The following CADM2 variants were observed in gnomAD, a reference collection of about 807,000 sequenced individuals.
The protein encoded by CADM2 is immunoglobulin superfamily member 4D.
CADM2 carries 12 observed loss-of-function variants against 49.8 expected under a neutral mutation model. That is an observed-to-expected ratio of 0.24 (90% CI 0.15 to 0.39). CADM2 has a LOEUF of 0.39. Ranked by LOEUF, CADM2 falls within the 10% of genes least tolerant of loss-of-function variation. The pLI is 1.00. For synonymous variants in CADM2, 214 were observed against 175.4 expected (o/e 1.22, Z -1.74); for missense variants, 378 against 492.3 (o/e 0.77, Z 2.20).
chr3:86,018,015 T>C (rs887975386), intron 8 of CADM2, among the ~76,000 whole-genome samples: 12 of 118,664 alleles, frequency 1.0e-4, no homozygotes, highest in Non-Finnish European at 2.1e-4. Context: ...CTCCCAATGC[T>C]ATCCCTCCCC....
At chr3:85,735,225 T>C (rs2068088348) in intron 2 of CADM2, among the ~76,000 whole-genome samples, 2 of 152,090 alleles carry the variant, frequency 1.3e-5, no homozygotes, top group African/African-American at 4.8e-5. Flanking sequence ...AAGACAGTGG[T>C]TCTAATTTTG....
chr3:85,365,199 C>A (rs59444185), intron 1 of CADM2, among the ~76,000 whole-genome samples: 13 of 104,688 alleles, frequency 1.2e-4, no homozygotes, highest in South Asian at 3.5e-4. Context: ...TTTTTTTTTA[C>A]TTTTTTTTTT....
At position 86,014,526 on chromosome 3, in the gene CADM2, T is replaced by C. The variant is rs1451149685; in HGVS notation, c.971-51079T>C. The C allele has an allele frequency of 3.8e-6, 6 of 1,572,502 alleles. No individual in the cohort carries two copies. In the African/African-American group the frequency reaches 6.8e-5, roughly 18 times the overall value. On this transcript the variant is annotated intron_variant, in intron 8 of 9. Transcript: ENST00000383699. ...ATACCACAGTGTTCACCAAGGTAAC[T>C]TGGAATCTCAGCTAGCCTCTGAGAG...
chr3:85,493,276 C>T (rs981645473), intron 1 of CADM2, among the ~76,000 whole-genome samples: 3 of 152,070 alleles, frequency 2.0e-5, no homozygotes, highest in Admixed American at 6.5e-5. Flanking sequence ...GTGCTTCCTT[C>T]TTGTATGTAT....
At chr3:85,914,111 T>C (rs1418237296) in intron 6 of CADM2, among the ~76,000 whole-genome samples, 1 of 152,186 alleles carries the variant, frequency 6.6e-6, no homozygotes, top group Non-Finnish European at 1.5e-5. Flanking sequence ...TAGTAGTTAT[T>C]GAAAACATTA....
chr3:85,827,277 T>C (rs1577412469), intron 3 of CADM2, among the ~76,000 whole-genome samples: 1 of 151,978 alleles, frequency 6.6e-6, no homozygotes, highest in East Asian at 1.9e-4. Flanking sequence ...CTTGTAGAAA[T>C]TGCAGTCTCT....
At chr3:85,875,689 C>T (rs1711730653) in intron 3 of CADM2, among the ~76,000 whole-genome samples, 1 of 152,134 alleles carries the variant, frequency 6.6e-6, no homozygotes, top group Admixed American at 6.6e-5. Flanking sequence ...TAGTGACCAG[C>T]TTTGGAGAAA....
intron 1 of CADM2, among the ~76,000 whole-genome samples, chr3:85,523,921 A>C (rs988957527): frequency 6.6e-6 from 1 of 152,176 alleles, no homozygotes; most frequent in South Asian, 2.1e-4. Context: ...CCCAACAAAA[A>C]AATAAATTGA....
chr3:85,014,720 A>G (rs1288054335), intron 1 of CADM2, among the ~76,000 whole-genome samples: 1 of 152,164 alleles, frequency 6.6e-6, no homozygotes, highest in African/African-American at 2.4e-5. Flanking sequence ...CCAAGCTTGC[A>G]TGGTTTTTGA....
rs1487858618 is a variant in CADM2 at position 85,758,231 on chromosome 3, G to A, written c.88+31683G>A. Reference sequence around the variant, plus strand: ...AGCTTGTAAGAACAGATGAGCCAGGGCACAAATAAAGCAATGAACATTAAT... The same window carrying A: ...AGCTTGTAAGAACAGATGAGCCAGGACACAAATAAAGCAATGAACATTAAT... On this transcript the variant is annotated intron_variant, in intron 2 of 9. Coordinates refer to ENST00000383699, the MANE Select transcript of CADM2 (RefSeq NM_001167675.2). Among the ~76,000 whole-genome samples the A allele has an allele frequency of 2.0e-5, 3 of 152,060 alleles. 1 individual carries two copies. The East Asian group carries it at 5.8e-4, about 29-fold the overall frequency.
At chr3:85,052,203 A>G (rs2035907707) in intron 1 of CADM2, among the ~76,000 whole-genome samples, 1 of 152,136 alleles carries the variant, frequency 6.6e-6, no homozygotes, top group Admixed American at 6.6e-5. Flanking sequence ...GATTGAAGCT[A>G]TTTCCCCGAT....
chr3:85,079,776 C>T (rs2037093602), intron 1 of CADM2, among the ~76,000 whole-genome samples: 1 of 151,740 alleles, frequency 6.6e-6, no homozygotes, highest in Non-Finnish European at 1.5e-5. Flanking sequence ...AATTAAAATA[C>T]CTTTAAATTT....
intron 1 of CADM2, among the ~76,000 whole-genome samples, chr3:85,280,656 A>C (rs1449260254): frequency 2.6e-5 from 4 of 151,958 alleles, no homozygotes; most frequent in African/African-American, 9.6e-5. Flanking sequence ...TTATTTAAAA[A>C]AACTTATTAA....
intron 5 of CADM2, among the ~76,000 whole-genome samples, chr3:85,906,346 T>C (rs1030635905): frequency 5.9e-5 from 9 of 152,140 alleles, no homozygotes; most frequent in African/African-American, 2.2e-4. Context: ...AGCATTGACA[T>C]TTTACTTGTC....
intron 1 of CADM2, among the ~76,000 whole-genome samples, chr3:85,595,875 A>C (rs2063226965): frequency 6.6e-6 from 1 of 151,920 alleles, no homozygotes; most frequent in African/African-American, 2.4e-5. Context: ...TTGATTGATA[A>C]AAATAATTTC....
chr3:85,664,590 A>AT (rs913526442), intron 1 of CADM2, among the ~76,000 whole-genome samples: 24 of 151,604 alleles, frequency 1.6e-4, no homozygotes, highest in African/African-American at 5.6e-4. Flanking sequence ...AGCCATCATC[A>AT]TTTTTTTTCC....
intron 1 of CADM2, among the ~76,000 whole-genome samples, chr3:84,985,275 T>C (rs1053942337): frequency 6.6e-6 from 1 of 152,146 alleles, no homozygotes; most frequent in Admixed American, 6.6e-5. Flanking sequence ...TTGAAGTTAG[T>C]ATTCAAAGAT....
At chr3:84,985,305 CA>C (rs2032489228) in intron 1 of CADM2, among the ~76,000 whole-genome samples, 1 of 151,986 alleles carries the variant, frequency 6.6e-6, no homozygotes, top group African/African-American at 2.4e-5. Flanking sequence ...CTCTGGTCAG[CA>C]GATATTTTAA....
intron 1 of CADM2, among the ~76,000 whole-genome samples, chr3:85,037,094 TG>T (rs2035248325): frequency 6.6e-6 from 1 of 151,712 alleles, no homozygotes; most frequent in African/African-American, 2.4e-5. Context: ...CGCTTGAACC[TG>T]GGAGGCAGAG....
Sources: allele counts gnomAD v4.1 joint callset (sites outside exome capture counted in the v4.1 genomes callset), GRCh38; gene constraint gnomAD v4.1.1; transcripts MANE v1.5; gene names NCBI Gene and HGNC (gene_info 2026-07-23, HGNC 2026-07-21).